Variants in PIK3AP1 observed in about 807,000 individuals in gnomAD.
PIK3AP1 encodes the protein phosphoinositide-3-kinase adaptor protein 1.
A neutral mutation model predicts 88.1 loss-of-function variants in PIK3AP1; 21 were observed. That is an observed-to-expected ratio of 0.24 (90% CI 0.17 to 0.34). The LOEUF is 0.34. Ranked by LOEUF, PIK3AP1 falls within the 10% of genes least tolerant of loss-of-function variation. PIK3AP1 has a pLI of 1.00. For missense variants in PIK3AP1, 828 were observed against 1,035.7 expected (o/e 0.80, Z 2.75); for synonymous variants, 398 against 400.0 (o/e 1.00, Z 0.06).
In PIK3AP1 at chr10:96,626,867, A is replaced by G; in HGVS notation, c.1510T>C (p.Cys504Arg). 1 of 1,614,220 alleles carries G rather than the reference A, an allele frequency of 6.2e-7. No homozygotes were observed. The highest frequency in any genetic ancestry group is 1.6e-4 in the Middle Eastern group (1 of 6,062). The change falls in exon 10 of 17, where the codon TGC becomes CGC. Residue 504 changes from cysteine to arginine, a missense_variant. By Grantham distance (180) the Cys-to-Arg change is radical. Around this residue, in one of 3 missense-constraint regions of PIK3AP1, gnomAD observed 610 missense variants for 760.1 expected, o/e 0.80. Coordinates refer to ENST00000339364, the MANE Select transcript of PIK3AP1 (RefSeq NM_152309.3). ...ACATCTTCTTCCTGACCAAGATGGC[A>G]CTGATCTCTCTCCAGATTGGTCATT... ...MGMTNLERDQ[C>R]HLGQEEDVYH...
intron 9 of PIK3AP1, among the ~76,000 whole-genome samples, 162 bp from the exon 10 acceptor site, chr10:96,627,067 C>G (rs904490460): frequency 1.3e-5 from 2 of 152,252 alleles, no homozygotes; most frequent in African/African-American, 4.8e-5. Flanking sequence ...CAGAACACCA[C>G]ACAAAGCAAC....
At chr10:96,627,496 A>G (rs901402800) in intron 9 of PIK3AP1, among the ~76,000 whole-genome samples, 1 of 152,342 alleles carries the variant, frequency 6.6e-6, no homozygotes, top group East Asian at 1.9e-4. Context: ...TTGTGTTCCA[A>G]TAAAACTTTA....
intron 3 of PIK3AP1, among the ~76,000 whole-genome samples, chr10:96,653,509 C>T (rs1479464255): frequency 3.6e-5 from 3 of 84,468 alleles, no homozygotes; most frequent in Non-Finnish European, 6.4e-5. Flanking sequence ...TTTTTTGAGA[C>T]AGAGCTTCAC....
At chr10:96,711,813 C>T (rs888902119) in intron 1 of PIK3AP1, among the ~76,000 whole-genome samples, 4 of 134,486 alleles carry the variant, frequency 3.0e-5, no homozygotes, top group Admixed American at 2.5e-4. Context: ...CGCAGTGGCA[C>T]GATCTCGGTT....
chr10:96,601,759 A>G (rs953641207), intron 16 of PIK3AP1, among the ~76,000 whole-genome samples: 2 of 152,246 alleles, frequency 1.3e-5, no homozygotes, highest in African/African-American at 4.8e-5. Context: ...ACATTTTTCA[A>G]TGTATTTCAT....
chr10:96,596,062 T>C (rs1178050714), intron 16 of PIK3AP1, among the ~76,000 whole-genome samples: 1 of 152,216 alleles, frequency 6.6e-6, no homozygotes, highest in Non-Finnish European at 1.5e-5. Context: ...AACAAGCTAC[T>C]TGCCTTCCAG....
At chr10:96,598,050 T>G (rs1183310293) in intron 16 of PIK3AP1, among the ~76,000 whole-genome samples, 15 of 149,710 alleles carry the variant, frequency 1.0e-4, no homozygotes, top group Admixed American at 2.0e-4. Flanking sequence ...TGTTGTTTTT[T>G]TTTTTTTTTT....
intron 2 of PIK3AP1, among the ~76,000 whole-genome samples, chr10:96,661,652 G>T (rs887831399): frequency 3.5e-4 from 54 of 152,166 alleles, no homozygotes; most frequent in African/African-American, 1.2e-3. Flanking sequence ...CAGGCATGGT[G>T]GCATGTGCCT....
intron 9 of PIK3AP1, 89 bp from the exon 10 acceptor site, chr10:96,626,994 G>T: frequency 8.0e-7 from 1 of 1,256,572 alleles, no homozygotes. Context: ...ACCTTACTTT[G>T]TTTCCTCAGT....
chr10:96,595,502 A>G lies in PIK3AP1; in HGVS notation c.*75T>C. The G allele has an allele frequency of 2.8e-6, 4 of 1,423,568 alleles. No individual in the cohort carries two copies. The highest frequency in any genetic ancestry group is 3.0e-6 in the Non-Finnish European group (3 of 1,010,236). 88.2% of individuals were successfully genotyped at this position (1,423,568 alleles called of 1,614,324 possible). Reference sequence around the variant, plus strand: ...GTCAACAGTCATGCTATAAAACTCAACATGAAGACATCATTAACAGGCTGA... The same window carrying G: ...GTCAACAGTCATGCTATAAAACTCAGCATGAAGACATCATTAACAGGCTGA... On this transcript the variant is annotated 3_prime_UTR_variant, in exon 17 of 17. Coordinates refer to ENST00000339364, the MANE Select transcript of PIK3AP1 (RefSeq NM_152309.3).
intron 8 of PIK3AP1, among the ~76,000 whole-genome samples, chr10:96,639,929 A>G (rs1349226581): frequency 6.6e-6 from 1 of 152,218 alleles, no homozygotes; most frequent in Non-Finnish European, 1.5e-5. Context: ...GGTCCTTTAC[A>G]GTCCCCAAGT....
At chr10:96,649,981 T>A (rs1308614480) in intron 6 of PIK3AP1, among the ~76,000 whole-genome samples, 1 of 152,240 alleles carries the variant, frequency 6.6e-6, no homozygotes, top group Non-Finnish European at 1.5e-5. Flanking sequence ...AACAACTTTA[T>A]AGACATACAT....
rs1844553576 is a variant in PIK3AP1 at position 96,720,218 on chromosome 10, T to G, written c.13+164A>C. On this transcript the variant is annotated intron_variant, in intron 1 of 16. Coordinates refer to ENST00000339364, the MANE Select transcript of PIK3AP1 (RefSeq NM_152309.3). This position sits in a 1 kb window ranked among gnomAD's most constrained non-coding sequence, Gnocchi z 4.6. ...GCTGGGACGGGAAACGTGGGAAAGT[T>G]GGAGTGGGAAGTTTGCGACAGGGAA... 1.3e-5 allele frequency among the ~76,000 whole-genome samples: 2 copies of G among 151,958 alleles called. No homozygotes were observed. Among genetic ancestry groups the G allele is most frequent in the Non-Finnish European group, 2.9e-5 (2 of 67,944 alleles).
intron 2 of PIK3AP1, among the ~76,000 whole-genome samples, chr10:96,707,722 T>C (rs1029599935): frequency 1.3e-5 from 2 of 152,204 alleles, no homozygotes; most frequent in Admixed American, 1.3e-4. Context: ...TGCAATGACA[T>C]AAGATCATCC....
intron 2 of PIK3AP1, among the ~76,000 whole-genome samples, chr10:96,690,597 T>C (rs942235147): frequency 1.3e-5 from 2 of 152,178 alleles, no homozygotes; most frequent in African/African-American, 2.4e-5. Context: ...TCTTTCTCTA[T>C]TCCTCAGGCC....
chr10:96,711,281 A>C (rs1844434233), intron 1 of PIK3AP1, among the ~76,000 whole-genome samples: 1 of 152,230 alleles, frequency 6.6e-6, no homozygotes, highest in Non-Finnish European at 1.5e-5. Context: ...ATCAGGAACT[A>C]TGTCAAGAAT....
chr10:96,626,686 C>T, intron 10 of PIK3AP1, 22 bp downstream of exon 10: 1 of 1,610,522 alleles, frequency 6.2e-7, no homozygotes. Context: ...CCCAGTTGGA[C>T]ATCATTCCCT....
Position 96,654,152 on chromosome 10 carries a change from G to A in PIK3AP1, c.568-1310C>T, listed in dbSNP as rs534120754. 2.5e-4 allele frequency among the ~76,000 whole-genome samples: 38 copies of A among 152,244 alleles called. No homozygotes were observed. The South Asian group carries it at 3.3e-3, about 13-fold the overall frequency. ...TACCACTGGGCAAAAAGAACTTCTC[G>A]GGGGATTAATTTTCCCAAACCATCG... On this transcript the variant is annotated intron_variant, in intron 3 of 16. Coordinates refer to ENST00000339364, the MANE Select transcript of PIK3AP1 (RefSeq NM_152309.3).
intron 2 of PIK3AP1, among the ~76,000 whole-genome samples, chr10:96,693,600 G>GT (rs1381055391): frequency 6.6e-6 from 1 of 152,116 alleles, no homozygotes; most frequent in Non-Finnish European, 1.5e-5. Context: ...AAACCTTCAC[G>GT]TAACACTTTC....
Sources: gnomAD v4.1 joint callset for allele counts (sites outside exome capture counted in the v4.1 genomes callset) on GRCh38, gnomAD v4.1.1 for gene constraint, gnomAD v4.1.1 regional missense constraint, Gnocchi (gnomAD v3.1) non-coding constraint, MANE v1.5 for transcripts, NCBI Gene and HGNC (gene_info 2026-07-23, HGNC 2026-07-21) for gene names.